PARD3B: variants seen among roughly 807,000 people sequenced by gnomAD.
PARD3B encodes partitioning defective 3 homolog B.
PARD3B carries 103 observed loss-of-function variants against 130.2 expected under a neutral mutation model. The observed-to-expected ratio is 0.79, with a 90% confidence interval of 0.67 to 0.93. The LOEUF (loss-of-function observed/expected upper bound fraction) is 0.93, where lower values mean the gene tolerates loss of function less well. PARD3B is among the 40% of genes least tolerant of loss of function. PARD3B has a pLI of 0.00. For missense variants in PARD3B, 1,609 were observed against 1,499.2 expected (o/e 1.07, Z -1.21); for synonymous variants, 583 against 553.2 (o/e 1.05, Z -0.76).
intron 2 of PARD3B, among the ~76,000 whole-genome samples, chr2:204,740,559 C>T (rs2039967233): frequency 6.6e-6 from 1 of 152,190 alleles, no homozygotes; most frequent in African/African-American, 2.4e-5. Flanking sequence ...TCTGGGGCCT[C>T]AGCTAGAATG....
rs1254200444 is a variant in PARD3B, at chr2:205,589,844, G to A, written c.3261-25612G>A. Among the ~76,000 whole-genome samples, 3 of 152,090 alleles carry A rather than the reference G, an allele frequency of 2.0e-5. No homozygotes were observed. Among genetic ancestry groups the A allele is most frequent in the Admixed American group, 6.5e-5 (1 of 15,272 alleles). On this transcript the variant is annotated intron_variant, in intron 22 of 22. Transcript: ENST00000406610. The surrounding 1 kb of genome is among the most constrained non-coding windows in gnomAD (Gnocchi z 4.1). ...TATCAGACACCCTCCTACACTCCATGCCTCTCCTATTTCCCTGTCCACTAA... is the reference window on the plus strand; with the variant it reads ...TATCAGACACCCTCCTACACTCCATACCTCTCCTATTTCCCTGTCCACTAA...
At chr2:205,027,593 CT>C (rs1399210809) in intron 3 of PARD3B, among the ~76,000 whole-genome samples, 1 of 151,844 alleles carries the variant, frequency 6.6e-6, no homozygotes, top group Non-Finnish European at 1.5e-5. Flanking sequence ...TTTGCCTTTG[CT>C]TTTGTTGCCT....
chr2:205,526,339 C>A (rs957693676), intron 21 of PARD3B, among the ~76,000 whole-genome samples: 2 of 152,184 alleles, frequency 1.3e-5, no homozygotes, highest in South Asian at 2.1e-4. Context: ...AGTGACAGAA[C>A]CTTGCCTTCA....
chr2:205,455,335 A>G (rs1456237922), intron 20 of PARD3B, among the ~76,000 whole-genome samples: 1 of 152,146 alleles, frequency 6.6e-6, no homozygotes, highest in Non-Finnish European at 1.5e-5. Context: ...ATTCCAAAGG[A>G]CAGATTACAT....
chr2:204,773,306 T>G (rs2041468856), intron 2 of PARD3B, among the ~76,000 whole-genome samples: 1 of 151,958 alleles, frequency 6.6e-6, no homozygotes, highest in Non-Finnish European at 1.5e-5. Context: ...TTACTTTGCT[T>G]AGAATTTTAC....
At chr2:204,573,378 C>T (rs1450584187) in intron 1 of PARD3B, among the ~76,000 whole-genome samples, 1 of 152,280 alleles carries the variant, frequency 6.6e-6, no homozygotes, top group East Asian at 1.9e-4. Flanking sequence ...TATGCGTGAC[C>T]TCATCTGATG....
intron 20 of PARD3B, among the ~76,000 whole-genome samples, chr2:205,450,534 C>T (rs536396158): frequency 6.8e-5 from 9 of 131,504 alleles, no homozygotes; most frequent in African/African-American, 2.4e-4. Context: ...AGTGCAATGG[C>T]ATGATCTCGG....
At chr2:205,138,026 G>T (rs1433210757) in intron 10 of PARD3B, among the ~76,000 whole-genome samples, 2 of 152,194 alleles carry the variant, frequency 1.3e-5, no homozygotes, top group African/African-American at 4.8e-5. Context: ...AATTCATGGA[G>T]TCCGATAGGG....
In PARD3B at chr2:205,592,985, G is replaced by A. The variant is rs114849849; in HGVS notation, c.3261-22471G>A. On this transcript the variant is annotated intron_variant, in intron 22 of 22. Transcript: ENST00000406610. The surrounding 1 kb of genome is among the most constrained non-coding windows in gnomAD (Gnocchi z 4.5). Reference sequence around the variant, plus strand: ...GCTAGGTGCAACCTGGATAGACATTGTGGCCCATACCTTTTTTATATACTT... The same window carrying A: ...GCTAGGTGCAACCTGGATAGACATTATGGCCCATACCTTTTTTATATACTT... Among the ~76,000 whole-genome samples the A allele has an allele frequency of 4.0e-3, 612 of 152,354 alleles. 5 individuals are homozygous for A. Among genetic ancestry groups the A allele is most frequent in the African/African-American group, 0.014 (585 of 41,588 alleles).
rs958102468 is a variant in PARD3B, at chr2:205,438,385, A to G, written c.2742-1985A>G. 3.0e-4 allele frequency among the ~76,000 whole-genome samples: 46 copies of G among 152,320 alleles called. 1 individual carries two copies. The highest frequency in any genetic ancestry group is 1.1e-3 in the African/African-American group (44 of 41,580). On this transcript the variant is annotated intron_variant, in intron 19 of 22. Transcript: ENST00000406610. Reference sequence around the variant, plus strand: ...GTATTTTCCTCTTCCATTAATGCACACAAGTATTGCCCCATGAGGCAGCCA... The same window carrying G: ...GTATTTTCCTCTTCCATTAATGCACGCAAGTATTGCCCCATGAGGCAGCCA...
intron 2 of PARD3B, among the ~76,000 whole-genome samples, chr2:204,902,840 G>A (rs565247587): frequency 1.3e-5 from 2 of 152,206 alleles, no homozygotes; most frequent in African/African-American, 2.4e-5. Flanking sequence ...TATCTTGCCA[G>A]CAATGGCTCC....
rs2040180988 is a variant in PARD3B, at chr2:205,258,441, AC to A, written c.2185+12622del. Reference sequence around the variant, plus strand: ...TGTGACCACCCTATCTAAAATAGTCACCCAACAAGAAGCCAGTTTCTCTCAC... The same window carrying A: ...TGTGACCACCCTATCTAAAATAGTCACCAACAAGAAGCCAGTTTCTCTCAC... On this transcript the variant is annotated intron_variant, in intron 16 of 22. Coordinates refer to ENST00000406610, the MANE Select transcript of PARD3B (RefSeq NM_001302769.2). The surrounding 1 kb of genome is among the most constrained non-coding windows in gnomAD (Gnocchi z 4.9). 6.6e-6 allele frequency among the ~76,000 whole-genome samples: 1 copy of A among 152,164 alleles called. No individual in the cohort carries two copies. The highest frequency in any genetic ancestry group is 1.5e-5 in the Non-Finnish European group (1 of 68,026).
At chr2:204,707,863 T>C (rs2335636) in intron 2 of PARD3B, among the ~76,000 whole-genome samples, 102,089 of 152,014 alleles carry the variant, frequency 0.67, 37,498 homozygotes, top group South Asian at 0.81. Flanking sequence ...TTTAAGCTTT[T>C]AATTTTACCT....
chr2:205,223,512 A>C (rs1326397767), intron 15 of PARD3B, among the ~76,000 whole-genome samples: 1 of 152,192 alleles, frequency 6.6e-6, no homozygotes, highest in Admixed American at 6.5e-5. Context: ...ACTGCTGCTC[A>C]TGAAGACAGC....
intron 1 of PARD3B, among the ~76,000 whole-genome samples, chr2:204,617,910 G>A (rs1327205149): frequency 1.2e-4 from 18 of 152,188 alleles, no homozygotes; most frequent in Non-Finnish European, 1.5e-5. Flanking sequence ...ATTCTGTGAT[G>A]TATATGTACC....
chr2:204,599,845 AT>A (rs930684704), intron 1 of PARD3B, among the ~76,000 whole-genome samples: 7 of 150,350 alleles, frequency 4.7e-5, no homozygotes, highest in African/African-American at 7.3e-5. Flanking sequence ...CCTCACTAGC[AT>A]TTTTTTTTAA....
At chr2:204,682,561 C>T (rs1273321171) in intron 1 of PARD3B, among the ~76,000 whole-genome samples, 1 of 152,128 alleles carries the variant, frequency 6.6e-6, no homozygotes, top group Non-Finnish European at 1.5e-5. Context: ...CTGTTGTGTT[C>T]CAGTAGGTAA....
intron 20 of PARD3B, among the ~76,000 whole-genome samples, chr2:205,479,243 CCAT>C (rs760737764): frequency 1.1e-4 from 17 of 152,150 alleles, no homozygotes; most frequent in Non-Finnish European, 2.1e-4. Context: ...TTAAATGGCA[CCAT>C]CATTTCCTCC....
chr2:205,300,539 G>A lies in PARD3B; in HGVS notation c.2195G>A (p.Ser732Asn), dbSNP rs772029222. The A allele has an allele frequency of 5.0e-6, 8 of 1,613,300 alleles. No individual in the cohort carries two copies. The highest frequency in any genetic ancestry group is 1.8e-4 in the Middle Eastern group (1 of 5,660). ...SLAGQKSESPSKDFGPTLGLK... is the reference protein window; with the variant it reads ...SLAGQKSESPNKDFGPTLGLK... Reference sequence around the variant, plus strand: ...GCCCTTTCTTTTCCAGAATCTCCAAGCAAAGATTTTGGTCCAACTCTGGGT... The same window carrying A: ...GCCCTTTCTTTTCCAGAATCTCCAAACAAAGATTTTGGTCCAACTCTGGGT... The change falls in exon 17 of 23, where the codon AGC (serine) becomes AAC (asparagine). Residue 732 changes from serine (S) to asparagine (N), a missense_variant. Ser to Asn is a conservative substitution (Grantham distance 46). Transcript: ENST00000406610. The surrounding 1 kb of genome is among the most constrained non-coding windows in gnomAD (Gnocchi z 4.1).
Sources: allele counts gnomAD v4.1 joint callset (sites outside exome capture counted in the v4.1 genomes callset), GRCh38; gene constraint gnomAD v4.1.1; non-coding constraint Gnocchi (gnomAD v3.1); transcripts MANE v1.5; gene names NCBI Gene and HGNC (gene_info 2026-07-23, HGNC 2026-07-21).